The following TONSL variants were observed in gnomAD, a reference collection of about 807,000 sequenced individuals.
The protein encoded by TONSL is tonsoku like, DNA repair protein.
TONSL carries 112 observed loss-of-function variants against 147.1 expected under a neutral mutation model. The observed-to-expected ratio is 0.76, with a 90% CI of 0.65 to 0.89. The LOEUF (loss-of-function observed/expected upper bound fraction) is 0.89. Among genes scored for constraint, TONSL ranks in the 40% least tolerant of loss-of-function variants. The pLI, the probability that TONSL is intolerant of heterozygous loss-of-function variation, is 0.00. For synonymous variants in TONSL, 868 were observed against 801.5 expected (o/e 1.08, Z -1.40); for missense variants, 1,883 against 1,864.6 (o/e 1.01, Z -0.18).
intron 20 of TONSL, 125 bp from the exon 21 acceptor site, chr8:144,434,404 C>G (rs1423955577): frequency 2.2e-5 from 18 of 829,270 alleles, no homozygotes; most frequent in Non-Finnish European, 3.2e-5. Flanking sequence ...TGCTGTAGAG[C>G]CCACTCGCAC....
chr8:144,433,952 G>T, intron 21 of TONSL, 26 bp downstream of exon 21: 1 of 1,538,870 alleles, frequency 6.5e-7, no homozygotes, highest in Non-Finnish European at 8.8e-7. Flanking sequence ...CCGCTGTTGA[G>T]GGCCTGCTGC....
At chr8:144,440,938 T>C in intron 8 of TONSL, 28 bp downstream of exon 8, 2 of 1,612,810 alleles carry the variant, frequency 1.2e-6, no homozygotes, top group Admixed American at 1.7e-5. Context: ...CACTGGCCCT[T>C]CCCTCCCACC....
At chr8:144,433,451 C>A (rs1222533556) in intron 22 of TONSL, 137 bp downstream of exon 22, 35 of 834,314 alleles carry the variant, frequency 4.2e-5, no homozygotes, top group Middle Eastern at 3.0e-4. Flanking sequence ...TCAAGCGATA[C>A]TCCCGCCTCA....
Position 144,438,705 on chromosome 8 carries a change from A to G in TONSL, c.1511T>C (p.Leu504Pro). 1 of 1,613,244 alleles carries G rather than the reference A, an allele frequency of 6.2e-7. No homozygotes were observed. Among genetic ancestry groups the G allele is most frequent in the Non-Finnish European group, 8.5e-7 (1 of 1,179,948 alleles). Reference sequence around the variant, plus strand: ...GCCCTGAAGCTCCTCGTCCTCCTCCAGCTGCGGGGTCAGGCCATCGGTGTC... The same window carrying G: ...GCCCTGAAGCTCCTCGTCCTCCTCCGGCTGCGGGGTCAGGCCATCGGTGTC... ...EDDTDGLTPQ[L>P]EEDEELQGHL... Residue 504 changes from leucine to proline, a missense_variant, in exon 12 of 26, where the codon CTG (leucine) becomes CCG (proline). Leu to Pro is a moderately conservative substitution (Grantham distance 98). Transcript: ENST00000409379.
At position 144,428,957 on chromosome 8, in the gene TONSL, T is replaced by C. The variant is rs1397669962; in HGVS notation, c.*186A>G. On this transcript the variant is annotated 3_prime_UTR_variant, in exon 26 of 26. Coordinates refer to ENST00000409379, the MANE Select transcript of TONSL (RefSeq NM_013432.5). Reference sequence around the variant, plus strand: ...GGCTTCCACCACCACGCCCGGCTAATTTTTGGTATTTTTAGTAGAGACGGG... The same window carrying C: ...GGCTTCCACCACCACGCCCGGCTAACTTTTGGTATTTTTAGTAGAGACGGG... The C allele has an allele frequency of 5.4e-6, 3 of 553,572 alleles. No homozygotes were observed. Among genetic ancestry groups the C allele is most frequent in the Non-Finnish European group, 8.7e-6 (3 of 345,348 alleles). The allele number at this position is 553,572 out of a possible 1,614,324, so 34.3% of individuals were successfully genotyped here.
chr8:144,435,257 GC>G, intron 18 of TONSL, 87 bp from the exon 19 acceptor site: 1 of 1,424,246 alleles, frequency 7.0e-7, no homozygotes. Flanking sequence ...AGGGCCAGAA[GC>G]CCCCTCAGCT....
intron 7 of TONSL, 64 bp downstream of exon 7, chr8:144,441,973 A>G: frequency 6.8e-7 from 1 of 1,472,422 alleles, no homozygotes; most frequent in Non-Finnish European, 9.4e-7. Context: ...GCGGGACTCC[A>G]CCCCGCCCCC....
chr8:144,433,823 C>T (rs2130843558), intron 21 of TONSL, 64 bp from the exon 22 acceptor site: 3 of 1,499,268 alleles, frequency 2.0e-6, no homozygotes, highest in South Asian at 2.7e-5. Context: ...CCCCTTGGGG[C>T]TTGGCTTGGC....
At chr8:144,434,990 T>C (rs1254522649) in intron 19 of TONSL, 27 bp downstream of exon 19, 1 of 1,611,862 alleles carries the variant, frequency 6.2e-7, no homozygotes, top group Non-Finnish European at 8.5e-7. Context: ...CCTGAGGCCC[T>C]GGCTCCCCCT....
In TONSL at chr8:144,436,288, A is replaced by G; in HGVS notation, c.2145T>C (p.His715=). 3 of 1,509,764 alleles carry G rather than the reference A, an allele frequency of 2.0e-6. No homozygotes were observed. The highest frequency in any genetic ancestry group is 2.6e-6 in the Non-Finnish European group (3 of 1,134,968). The allele number at this position is 1,509,764 out of a possible 1,614,324, so 93.5% of individuals were successfully genotyped here. Residue 715 remains histidine (H), a synonymous_variant, in exon 17 of 26, where the codon CAT becomes CAC. Coordinates refer to ENST00000409379, the MANE Select transcript of TONSL (RefSeq NM_013432.5). The part of the protein sequence containing the change: ...STRLPEASQA[H]VRVSPGQAAP... Reference sequence around the variant, plus strand: ...CCGCCTGCCCTGGGGAGACCCTGACATGGGCCTGAGAGGCCTCTGGGAGTC... The same window carrying G: ...CCGCCTGCCCTGGGGAGACCCTGACGTGGGCCTGAGAGGCCTCTGGGAGTC...
rs116544351 is a variant in TONSL, at chr8:144,434,543, C to T, written c.3086-264G>A. On this transcript the variant is annotated intron_variant, in intron 20 of 25. Transcript: ENST00000409379. Reference sequence around the variant, plus strand: ...TTTCTGGGAAGCTTCCCCAGCAGCTCCCAGCCCATGCCAGGCCCTCCTCCT... The same window carrying T: ...TTTCTGGGAAGCTTCCCCAGCAGCTTCCAGCCCATGCCAGGCCCTCCTCCT... 8.9e-3 allele frequency among the ~76,000 whole-genome samples: 1,358 copies of T among 152,282 alleles called. 20 individuals carry two copies. The highest frequency in any genetic ancestry group is 0.031 in the African/African-American group (1,277 of 41,548).
intron 10 of TONSL, 54 bp from the exon 11 acceptor site, chr8:144,440,264 A>G (rs1354305749): frequency 6.4e-7 from 1 of 1,556,028 alleles, no homozygotes; most frequent in Non-Finnish European, 8.7e-7. Context: ...ACGCAGAGAA[A>G]GATGGGGATG....
At chr8:144,438,179 G>A (rs532330585) in intron 13 of TONSL, 5 of 484,140 alleles carry the variant, frequency 1.0e-5, no homozygotes, top group African/African-American at 1.9e-5. Flanking sequence ...GGGATTACAG[G>A]CATAAGCCAC....
chr8:144,433,532 G>T, intron 22 of TONSL, 56 bp downstream of exon 22: 1 of 1,567,612 alleles, frequency 6.4e-7, no homozygotes, highest in South Asian at 1.1e-5. Flanking sequence ...GAAAGTCCTG[G>T]AAACCCTCAA....
chr8:144,441,967 G>T, intron 7 of TONSL, 70 bp downstream of exon 7: 1 of 1,393,290 alleles, frequency 7.2e-7, no homozygotes. Context: ...CACCTGGCGG[G>T]ACTCCACCCC....
At chr8:144,439,754 G>C in intron 11 of TONSL, 1 of 506,754 alleles carries the variant, frequency 2.0e-6, no homozygotes, top group Non-Finnish European at 3.5e-6. Context: ...CCTGGCCCCA[G>C]ATGGCACGTG....
At position 144,437,050 on chromosome 8, in the gene TONSL, T is replaced by C; in HGVS notation, c.1703A>G (p.Glu568Gly). ...RDYCGWTPLHEACNYGHLEIV... is the reference protein window; with the variant it reads ...RDYCGWTPLHGACNYGHLEIV... ...ACCTAGATGCCCGTAGTTGCAGGCC[T>C]CGTGCAGAGGTGTCCAGCCACAGTA... The change falls in exon 14 of 26, where the codon GAG becomes GGG. Residue 568 changes from glutamate to glycine, a missense_variant. Coordinates refer to ENST00000409379, the MANE Select transcript of TONSL (RefSeq NM_013432.5). The C allele has an allele frequency of 6.2e-7, 1 of 1,613,298 alleles. No individual in the cohort carries two copies. The highest frequency in any genetic ancestry group is 8.5e-7 in the Non-Finnish European group (1 of 1,180,002).
At position 144,440,034 on chromosome 8, in the gene TONSL, C is replaced by T. The variant is rs941100058; in HGVS notation, c.1467G>A (p.Glu489=). 7.4e-7 allele frequency: 1 copy of T among 1,345,512 alleles called. No homozygotes were observed. Among genetic ancestry groups the T allele is most frequent in the Middle Eastern group, 1.8e-4 (1 of 5,538 alleles). The allele number at this position is 1,345,512 out of a possible 1,614,324, so 83.3% of individuals were successfully genotyped here. A position where few individuals can be genotyped will look rare whatever the true frequency, so the allele number is the denominator to read the frequency against. Residue 489 remains glutamate, a synonymous_variant, in exon 11 of 26, where the codon GAG becomes GAA. Transcript: ENST00000409379. The part of the protein sequence containing the change: ...ESEALEAGEV[E]LSEGEDDTDG... ...GCTGGCCCTCACCGCCCTCTGAGAG[C>T]TCCACCTCGCCGGCCTCCAGGGCTT...
chr8:144,437,083 G>C lies in TONSL; in HGVS notation c.1670C>G (p.Pro557Arg). 1.9e-6 allele frequency: 3 copies of C among 1,613,094 alleles called. No homozygotes were observed. Among genetic ancestry groups the C allele is most frequent in the Non-Finnish European group, 2.5e-6 (3 of 1,179,996 alleles). Residue 557 changes from proline to arginine, a missense_variant, in exon 14 of 26, where the codon CCT (proline) becomes CGT (arginine). Pro to Arg is a moderately radical substitution (Grantham distance 103, BLOSUM62 -2). Transcript: ENST00000409379. ...AGGTGTCCAGCCACAGTAGTCCCGA[G>C]GGTTAAGGGGGTGGCCCTGTGACCA... ...DLVRQGHPLN[P>R]RDYCGWTPLH...
Sources: allele counts gnomAD v4.1 joint callset (sites outside exome capture counted in the v4.1 genomes callset), GRCh38; gene constraint gnomAD v4.1.1; transcripts MANE v1.5; gene names NCBI Gene and HGNC (gene_info 2026-07-23, HGNC 2026-07-21).